KALRN: variants seen among roughly 807,000 people sequenced by gnomAD.
The protein encoded by KALRN is kalirin.
Under a neutral mutation model 353.7 loss-of-function variants are expected in KALRN, and 70 were observed. The ratio of observed to expected loss-of-function variants is 0.20; its 90% confidence interval spans 0.16 to 0.24. The LOEUF (loss-of-function observed/expected upper bound fraction) is 0.24, where lower values mean the gene tolerates loss of function less well. Among genes scored for constraint, KALRN ranks in the 10% least tolerant of loss-of-function variants. The pLI is 1.00. For missense variants in KALRN, 2,791 were observed against 3,756.7 expected, an observed-to-expected ratio of 0.74 and a Z score of 6.72; for synonymous variants, 1,391 against 1,434.8, an observed-to-expected ratio of 0.97 and a Z score of 0.69.
At chr3:124,446,096 C>A in intron 19 of KALRN, 65 bp from the exon 20 acceptor site, 2 of 1,023,888 alleles carry the variant, frequency 2.0e-6, no homozygotes, top group Non-Finnish European at 3.0e-6. Flanking sequence ...GGCCGTGGGG[C>A]TGAAGGGGTT....
intron 34 of KALRN, among the ~76,000 whole-genome samples, chr3:124,576,257 C>A (rs991924896): frequency 6.6e-6 from 1 of 152,056 alleles, no homozygotes; most frequent in Admixed American, 6.6e-5. Flanking sequence ...TATTCCTCTG[C>A]AAATCCCCCC....
chr3:124,430,876 G>C (rs1022150548), intron 16 of KALRN, 101 bp downstream of exon 16: 6 of 1,390,246 alleles, frequency 4.3e-6, no homozygotes, highest in African/African-American at 1.4e-5. Flanking sequence ...GGCAGCGAAG[G>C]CTGTACCCCT....
intron 6 of KALRN, among the ~76,000 whole-genome samples, chr3:124,303,050 A>G (rs926117132): frequency 6.6e-6 from 1 of 152,214 alleles, no homozygotes; most frequent in African/African-American, 2.4e-5. Context: ...TGTAATAAAA[A>G]GAAATAATTG....
chr3:124,359,934 G>A (rs1323642913), intron 10 of KALRN, among the ~76,000 whole-genome samples: 2 of 152,238 alleles, frequency 1.3e-5, no homozygotes, highest in Non-Finnish European at 2.9e-5. Flanking sequence ...GGTGCCAAGA[G>A]GACAGATCAG....
intron 57 of KALRN, among the ~76,000 whole-genome samples, chr3:124,706,391 C>T (rs1315944874): frequency 1.3e-5 from 2 of 152,166 alleles, no homozygotes; most frequent in Non-Finnish European, 2.9e-5. Context: ...AGGGTTTCAC[C>T]CTCTAGGCAG....
At chr3:124,452,016 C>CT (rs1386168176) in intron 21 of KALRN, among the ~76,000 whole-genome samples, 2 of 152,214 alleles carry the variant, frequency 1.3e-5, no homozygotes, top group African/African-American at 4.8e-5. Context: ...TTAGACACAG[C>CT]TTTTAGGCCA....
chr3:124,546,047 A>T (rs528147773), intron 33 of KALRN, among the ~76,000 whole-genome samples: 1 of 152,344 alleles, frequency 6.6e-6, no homozygotes, highest in South Asian at 2.1e-4. Flanking sequence ...GTAACTTACT[A>T]TGGGAAAGGG....
In KALRN at chr3:124,072,599, G is replaced by A. The variant is rs550809397; in HGVS notation, c.73+38786G>A. Among the ~76,000 whole-genome samples, 3 of 152,106 alleles carry A rather than the reference G, an allele frequency of 2.0e-5. No individual in the cohort carries two copies. In the East Asian group the frequency reaches 5.8e-4, roughly 29 times the overall value. On this transcript the variant is annotated intron_variant, in intron 1 of 59. Transcript: ENST00000682506. ...ACCTGGAAATAATAGAAATGAAGCTGCCTCTGAGGGTTAAATTGGGTCCAT... is the reference window on the plus strand; with the variant it reads ...ACCTGGAAATAATAGAAATGAAGCTACCTCTGAGGGTTAAATTGGGTCCAT...
intron 27 of KALRN, among the ~76,000 whole-genome samples, chr3:124,480,626 C>T (rs2061887535): frequency 6.6e-6 from 1 of 152,100 alleles, no homozygotes; most frequent in Non-Finnish European, 1.5e-5. Flanking sequence ...GTATGTGCAA[C>T]CATCCCTTCA....
intron 1 of KALRN, among the ~76,000 whole-genome samples, chr3:124,148,137 C>T (rs759820608): frequency 8.5e-5 from 13 of 152,130 alleles, no homozygotes; most frequent in Non-Finnish European, 1.9e-4. Context: ...GGGATGTAGT[C>T]GGCTCCCCTC....
intron 1 of KALRN, among the ~76,000 whole-genome samples, chr3:124,199,421 G>C (rs894226978): frequency 1.3e-5 from 2 of 152,176 alleles, no homozygotes; most frequent in African/African-American, 4.8e-5. Context: ...TCCTCCCTGG[G>C]ATCTGTGGAG....
chr3:124,293,916 G>T (rs2076623083), intron 5 of KALRN, among the ~76,000 whole-genome samples: 1 of 152,116 alleles, frequency 6.6e-6, no homozygotes, highest in Admixed American at 6.5e-5. Flanking sequence ...AATAACCTAT[G>T]ACCAACTCAT....
intron 21 of KALRN, 21 bp from the exon 22 acceptor site, chr3:124,455,156 T>G: frequency 6.2e-7 from 1 of 1,613,552 alleles, no homozygotes; most frequent in Non-Finnish European, 8.5e-7. Context: ...TCCAGTAACT[T>G]AAGGCCATCT....
chr3:124,224,818 C>T (rs79772511), intron 1 of KALRN, among the ~76,000 whole-genome samples: 2 of 152,124 alleles, frequency 1.3e-5, no homozygotes, highest in African/African-American at 2.4e-5. Context: ...TAAAGGCCAA[C>T]AAATATGAAG....
chr3:124,115,375 A>C (rs1013317168), intron 1 of KALRN, among the ~76,000 whole-genome samples: 4 of 152,188 alleles, frequency 2.6e-5, no homozygotes, highest in African/African-American at 9.7e-5. Flanking sequence ...ACTTAGCAGC[A>C]CTGGTGTTAG....
At chr3:124,047,886 T>C (rs762175252) in intron 1 of KALRN, among the ~76,000 whole-genome samples, 64 of 152,228 alleles carry the variant, frequency 4.2e-4, no homozygotes, top group Middle Eastern at 3.4e-3. Flanking sequence ...AAAAATGTGA[T>C]GAAATATAAA....
At chr3:124,394,788 A>G (rs1351872531) in intron 11 of KALRN, among the ~76,000 whole-genome samples, 1 of 152,208 alleles carries the variant, frequency 6.6e-6, no homozygotes, top group Admixed American at 6.5e-5. Context: ...TTTCTGAAAG[A>G]TGAAATAATA....
At chr3:124,115,381 G>A (rs1041081846) in intron 1 of KALRN, among the ~76,000 whole-genome samples, 1 of 152,178 alleles carries the variant, frequency 6.6e-6, no homozygotes, top group African/African-American at 2.4e-5. Context: ...CAGCACTGGT[G>A]TTAGGCAGGG....
chr3:124,677,697 A>C (rs922095426), intron 49 of KALRN: 1 of 433,694 alleles, frequency 2.3e-6, no homozygotes, highest in Non-Finnish European at 4.6e-6. Context: ...GGCCCTGCCC[A>C]AATACAAATC....
Sources: gnomAD v4.1 joint callset for allele counts (sites outside exome capture counted in the v4.1 genomes callset) on GRCh38, gnomAD v4.1.1 for gene constraint, MANE v1.5 for transcripts, NCBI Gene and HGNC (gene_info 2026-07-23, HGNC 2026-07-21) for gene names.